NCAPD3: variants seen among roughly 807,000 people sequenced by gnomAD.
NCAPD3 encodes the protein condensin-2 complex subunit D3.
A neutral mutation model predicts 182.9 loss-of-function variants in NCAPD3; 105 were observed. That is an observed-to-expected ratio of 0.57 (90% CI 0.49 to 0.68). NCAPD3 has a LOEUF of 0.68. NCAPD3 is among the 30% of genes least tolerant of loss of function. The pLI is 0.00. For missense variants in NCAPD3, 1,944 were observed against 1,837.0 expected (o/e 1.06, Z -1.07); for synonymous variants, 815 against 679.9 (o/e 1.20, Z -3.09).
chr11:134,218,672 C>T (rs1938117098), intron 2 of NCAPD3, among the ~76,000 whole-genome samples: 1 of 152,154 alleles, frequency 6.6e-6, no homozygotes, highest in African/African-American at 2.4e-5. Context: ...GCACTTCACA[C>T]CATGTTTTTA....
intron 16 of NCAPD3, among the ~76,000 whole-genome samples, chr11:134,186,871 C>A (rs942170904): frequency 9.8e-5 from 15 of 152,296 alleles, no homozygotes; most frequent in Admixed American, 6.5e-4. Flanking sequence ...TCAAGTCTTA[C>A]TACAGTTAGC....
chr11:134,211,629 C>A (rs543901927), intron 3 of NCAPD3, among the ~76,000 whole-genome samples: 75 of 151,994 alleles, frequency 4.9e-4, no homozygotes, highest in Admixed American at 7.9e-4. Context: ...GATAATGGAA[C>A]CAGCTGACAA....
intron 12 of NCAPD3, 116 bp from the exon 13 acceptor site, chr11:134,203,021 C>T: frequency 7.8e-6 from 9 of 1,158,840 alleles, no homozygotes; most frequent in Non-Finnish European, 1.1e-5. Context: ...ATTTCAACCT[C>T]TCTCATGAAA....
chr11:134,208,771 G>T, intron 7 of NCAPD3, 93 bp downstream of exon 7: 1 of 783,558 alleles, frequency 1.3e-6, no homozygotes, highest in Non-Finnish European at 2.1e-6. Flanking sequence ...AATTGAAATG[G>T]CATTATATCA....
At chr11:134,193,694 A>G (rs1392124934) in intron 15 of NCAPD3, among the ~76,000 whole-genome samples, 1 of 152,236 alleles carries the variant, frequency 6.6e-6, no homozygotes, top group Non-Finnish European at 1.5e-5. Context: ...CAGAAGTTGC[A>G]GTGAGCTGAG....
intron 27 of NCAPD3, among the ~76,000 whole-genome samples, chr11:134,167,337 C>T (rs1444276770): frequency 2.0e-5 from 1 of 49,442 alleles, no homozygotes; most frequent in African/African-American, 2.0e-4. Context: ...CTGGGGGAGG[C>T]GCACACTCGT....
intron 13 of NCAPD3, among the ~76,000 whole-genome samples, chr11:134,198,520 G>C (rs1302708922): frequency 6.6e-6 from 1 of 152,172 alleles, no homozygotes; most frequent in East Asian, 1.9e-4. Flanking sequence ...AGGACCTCCT[G>C]AGGGCTGTGT....
intron 19 of NCAPD3, chr11:134,183,082 C>A (rs1289827875): frequency 2.2e-6 from 1 of 456,178 alleles, no homozygotes; most frequent in Non-Finnish European, 4.4e-6. Context: ...GGCCCTGGGC[C>A]AGCAGCAAGC....
In NCAPD3 at chr11:134,220,598, C is replaced by T. The variant is rs61752296; in HGVS notation, c.193G>A (p.Ala65Thr). Residue 65 changes from alanine (A) to threonine (T), a missense_variant, in exon 2 of 35, where the codon GCT becomes ACT. Transcript: ENST00000534548. Reference protein sequence around the residue: ...TKLYESLLPFATGEHGSMESI... With the variant: ...TKLYESLLPFTTGEHGSMESI... Reference sequence around the variant, plus strand: ...TCCATAGATCCATGTTCTCCAGTAGCAAAGGGTAAAAGGCTTTCATAGAGT... The same window carrying T: ...TCCATAGATCCATGTTCTCCAGTAGTAAAGGGTAAAAGGCTTTCATAGAGT... 1.6e-4 allele frequency: 264 copies of T among 1,613,510 alleles called. No homozygotes were observed. The highest frequency in any genetic ancestry group is 2.0e-4 in the Non-Finnish European group (241 of 1,179,678).
intron 13 of NCAPD3, among the ~76,000 whole-genome samples, chr11:134,199,884 A>G (rs1475408543): frequency 6.6e-6 from 1 of 152,200 alleles, no homozygotes; most frequent in Non-Finnish European, 1.5e-5. Context: ...AGATATATAG[A>G]TTAATGAAAT....
chr11:134,188,998 G>A (rs934804096), intron 16 of NCAPD3, among the ~76,000 whole-genome samples: 1 of 152,120 alleles, frequency 6.6e-6, no homozygotes, highest in East Asian at 1.9e-4. Flanking sequence ...ATAAATTTCT[G>A]TTGTTCAAGC....
intron 29 of NCAPD3, 54 bp from the exon 30 acceptor site, chr11:134,158,549 A>G (rs1222506593): frequency 3.9e-6 from 6 of 1,549,988 alleles, no homozygotes; most frequent in African/African-American, 1.4e-5. Flanking sequence ...AGTTTTCAAA[A>G]ACGGATATAT....
At chr11:134,209,905 A>C (rs947274289) in intron 4 of NCAPD3, among the ~76,000 whole-genome samples, 10 of 152,110 alleles carry the variant, frequency 6.6e-5, no homozygotes, top group African/African-American at 1.9e-4. Flanking sequence ...AAAATGCAAA[A>C]ATTGGCTGAG....
chr11:134,153,676 G>A, intron 32 of NCAPD3: 1 of 428,252 alleles, frequency 2.3e-6, no homozygotes, highest in Non-Finnish European at 4.3e-6. Flanking sequence ...TGACCGCCCT[G>A]TCCCACTTAC....
intron 20 of NCAPD3, among the ~76,000 whole-genome samples, chr11:134,180,072 A>G (rs1944262096): frequency 6.6e-6 from 1 of 152,060 alleles, no homozygotes; most frequent in African/African-American, 2.4e-5. Context: ...GACCATAGTA[A>G]GCATCTTTCT....
Position 134,169,088 on chromosome 11 carries a change from AT to A in NCAPD3, c.3102-35del, listed in dbSNP as rs779173484. ...GTGAGAGAAACAAAGAGGGAGACCC[AT>A]TTGCTATGTACCAACAGTCTCTGAA... On this transcript the variant is annotated intron_variant, in intron 24 of 34. Coordinates refer to ENST00000534548, the MANE Select transcript of NCAPD3 (RefSeq NM_015261.3). 9 of 1,602,440 alleles carry A rather than the reference AT, an allele frequency of 5.6e-6. No homozygotes were observed. The South Asian group carries it at 1.0e-4, about 18-fold the overall frequency.
chr11:134,194,883 A>G, intron 13 of NCAPD3, 145 bp from the exon 14 acceptor site: 2 of 523,170 alleles, frequency 3.8e-6, no homozygotes. Flanking sequence ...GTGTGGAAAA[A>G]GAAGAAAATG....
upstream of NCAPD3, chr11:134,224,140 G>C (rs1243261070): frequency 1.6e-6 from 1 of 610,426 alleles, no homozygotes; most frequent in Non-Finnish European, 2.9e-6. Flanking sequence ...AGCCAAACAA[G>C]GCTCCTGCGG....
At chr11:134,225,059 G>A (rs1938413676), upstream of NCAPD3, 3 of 1,495,192 alleles carry the variant, frequency 2.0e-6, no homozygotes, top group Middle Eastern at 1.8e-4. Flanking sequence ...TCTTTACCTA[G>A]GGCAGCCCGC....
Sources: gnomAD v4.1 joint callset for allele counts (sites outside exome capture counted in the v4.1 genomes callset) on GRCh38, gnomAD v4.1.1 for gene constraint, MANE v1.5 for transcripts, NCBI Gene and HGNC (gene_info 2026-07-23, HGNC 2026-07-21) for gene names.